Variants in ACSF3 observed in about 807,000 individuals in gnomAD.
The protein encoded by ACSF3 is malonate--CoA ligase ACSF3, mitochondrial.
Under a neutral mutation model 53.2 loss-of-function variants are expected in ACSF3, and 78 were observed. The ratio of observed to expected loss-of-function variants is 1.47; its 90% CI spans 1.22 to 1.77. The LOEUF is 1.77. Ranked by LOEUF, ACSF3 falls within the 40% of genes most tolerant of loss-of-function variation. The pLI is 0.00. For missense variants in ACSF3, 937 were observed against 771.1 expected (o/e 1.22, Z -2.55); for synonymous variants, 414 against 333.1 (o/e 1.24, Z -2.65).
chr16:89,142,120 C>A (rs1185540061), intron 8 of ACSF3, among the ~76,000 whole-genome samples: 1 of 152,184 alleles, frequency 6.6e-6, no homozygotes, highest in East Asian at 1.9e-4. Context: ...GGAAACCGTG[C>A]GTGCAGCACA....
rs1448931341 is a variant in ACSF3, at chr16:89,155,528, T to C, written c.*1321T>C. ...TGGTGGGTGCCCCAGTCCACGGCCC[T>C]GCCCCACCCGAACTCCTGCCTCACG... On this transcript the variant is annotated 3_prime_UTR_variant, in exon 11 of 11. Coordinates refer to ENST00000614302, the MANE Select transcript of ACSF3 (RefSeq NM_001243279.3). 2.2e-6 allele frequency: 1 copy of C among 454,112 alleles called. No homozygotes were observed. Among genetic ancestry groups the C allele is most frequent in the Non-Finnish European group, 4.4e-6 (1 of 226,772 alleles). The allele number at this position is 454,112 out of a possible 1,614,324, so 28.1% of individuals were successfully genotyped here.
At chr16:89,146,673 G>A (rs554435459) in intron 10 of ACSF3, among the ~76,000 whole-genome samples, 1 of 152,216 alleles carries the variant, frequency 6.6e-6, no homozygotes, top group South Asian at 2.1e-4. Context: ...GGCAGGGCCT[G>A]TTCCTCAGCG....
intron 3 of ACSF3, 62 bp from the exon 4 acceptor site, chr16:89,102,542 G>T: frequency 6.3e-7 from 1 of 1,596,140 alleles, no homozygotes; most frequent in South Asian, 1.1e-5. Flanking sequence ...CCCGAGGTCT[G>T]TGTGTGCTGT....
chr16:89,137,584 C>G (rs72817492), intron 8 of ACSF3, among the ~76,000 whole-genome samples: 1 of 101,792 alleles, frequency 9.8e-6, no homozygotes, highest in South Asian at 3.5e-4. Context: ...ACCAGGAGCT[C>G]GTGGGGAAGG....
intron 7 of ACSF3, among the ~76,000 whole-genome samples, chr16:89,128,164 C>T (rs1310101911): frequency 6.6e-6 from 1 of 151,614 alleles, no homozygotes; most frequent in Non-Finnish European, 1.5e-5. Context: ...GACCTTTCCT[C>T]TTTATAATGT....
intron 4 of ACSF3, among the ~76,000 whole-genome samples, chr16:89,106,795 C>T (rs542400552): frequency 1.2e-4 from 19 of 152,324 alleles, no homozygotes; most frequent in Non-Finnish European, 2.2e-4. Context: ...CAGACACCTG[C>T]GGTGGTGCTG....
chr16:89,123,174 C>T (rs1416589796), intron 7 of ACSF3, among the ~76,000 whole-genome samples: 1 of 152,154 alleles, frequency 6.6e-6, no homozygotes, highest in Non-Finnish European at 1.5e-5. Flanking sequence ...CCACCAGGGG[C>T]CAAGACCCTT....
chr16:89,137,992 T>TA (rs1186925580), intron 8 of ACSF3, among the ~76,000 whole-genome samples: 4 of 152,182 alleles, frequency 2.6e-5, no homozygotes, highest in Non-Finnish European at 5.9e-5. Flanking sequence ...GTTGGGTTCT[T>TA]ACATCTGGGC....
intron 1 of ACSF3, among the ~76,000 whole-genome samples, chr16:89,094,613 C>T (rs1198121169): frequency 6.6e-6 from 1 of 152,200 alleles, no homozygotes; most frequent in Non-Finnish European, 1.5e-5. Flanking sequence ...ACCAGGCAGG[C>T]CAGGTGCAGT....
At chr16:89,118,333 A>C (rs912475239) in intron 6 of ACSF3, among the ~76,000 whole-genome samples, 1 of 149,738 alleles carries the variant, frequency 6.7e-6, no homozygotes, top group African/African-American at 2.5e-5. Flanking sequence ...TTGGTTTGGA[A>C]AAAAGTAAGT....
intron 6 of ACSF3, chr16:89,115,408 A>G (rs1274030671): frequency 6.6e-6 from 1 of 152,210 alleles, no homozygotes; most frequent in Non-Finnish European, 1.5e-5. Flanking sequence ...ACGTGGCTAA[A>G]TCCTGCAGGA....
At chr16:89,102,403 A>G (rs1975450797) in intron 3 of ACSF3, 4 of 645,498 alleles carry the variant, frequency 6.2e-6, no homozygotes, top group African/African-American at 5.3e-5. Flanking sequence ...TCCCCAGGGT[A>G]AGTGAGTGAC....
At chr16:89,135,864 T>C (rs1597201027) in intron 8 of ACSF3, among the ~76,000 whole-genome samples, 1 of 152,360 alleles carries the variant, frequency 6.6e-6, no homozygotes, top group East Asian at 1.9e-4. Flanking sequence ...AACCTCTGCC[T>C]CTCGGGTTCA....
chr16:89,140,518 G>C (rs1220081087), intron 8 of ACSF3, among the ~76,000 whole-genome samples: 1 of 152,182 alleles, frequency 6.6e-6, no homozygotes, highest in East Asian at 1.9e-4. Flanking sequence ...ACATTCTGTT[G>C]CTGGCATCAG....
At chr16:89,107,474 C>T (rs568325821) in intron 4 of ACSF3, among the ~76,000 whole-genome samples, 25 of 145,022 alleles carry the variant, frequency 1.7e-4, no homozygotes, top group African/African-American at 1.9e-4. Context: ...ACGCGTGCTC[C>T]GTTTTCCGTG....
At chr16:89,142,360 C>A (rs1014917343) in intron 8 of ACSF3, among the ~76,000 whole-genome samples, 1 of 152,168 alleles carries the variant, frequency 6.6e-6, no homozygotes, top group South Asian at 2.1e-4. Context: ...AGGGCCTGAC[C>A]ATGCCAGAAA....
chr16:89,101,367 G>A lies in ACSF3; in HGVS notation c.666+20G>A, dbSNP rs557738566. ...GCTGTGGTGAGTGCCGCCTGGCGCC[G>A]TGATGGTTTCGGTGACCGCACAGCA... On this transcript the variant is annotated intron_variant, in intron 3 of 10. Coordinates refer to ENST00000614302, the MANE Select transcript of ACSF3 (RefSeq NM_001243279.3). 3.0e-4 allele frequency: 473 copies of A among 1,563,838 alleles called. 9 individuals are homozygous for A. In the South Asian group the frequency reaches 5.0e-3, roughly 17 times the overall value.
Position 89,100,694 on chromosome 16 carries a change from G to A in ACSF3, c.13G>A (p.Val5Met). 6.5e-7 allele frequency: 1 copy of A among 1,539,020 alleles called. No individual in the cohort carries two copies. ...GCCTGTCAGTGCAATGCTGCCCCAT[G>A]TGGTGCTCACCTTCCGGCGCCTGGG... MLPH[V>M]VLTFRRLGCA... Residue 5 changes from valine (V) to methionine (M), a missense_variant, in exon 3 of 11, where the codon GTG (valine) becomes ATG (methionine). Coordinates refer to ENST00000614302, the MANE Select transcript of ACSF3 (RefSeq NM_001243279.3).
At chr16:89,143,913 A>G (rs1334050245) in intron 8 of ACSF3, among the ~76,000 whole-genome samples, 5 of 152,180 alleles carry the variant, frequency 3.3e-5, no homozygotes, top group East Asian at 1.9e-4. Flanking sequence ...GTCCAACAGC[A>G]TGATGTATAA....
Sources: gnomAD v4.1 joint callset for allele counts (sites outside exome capture counted in the v4.1 genomes callset) on GRCh38, gnomAD v4.1.1 for gene constraint, MANE v1.5 for transcripts, NCBI Gene and HGNC (gene_info 2026-07-23, HGNC 2026-07-21) for gene names.